Variants in HERC4 observed in about 807,000 individuals in gnomAD.
The protein encoded by HERC4 is probable E3 ubiquitin-protein ligase HERC4.
In HERC4, 28 loss-of-function variants were observed where a neutral mutation model predicts 124.3. That is an observed-to-expected ratio of 0.23 (90% CI 0.17 to 0.31). HERC4 has a LOEUF of 0.31. Ranked by LOEUF, HERC4 falls within the 10% of genes least tolerant of loss-of-function variation. HERC4 has a pLI of 1.00. For synonymous variants in HERC4, 407 were observed against 421.5 expected (o/e 0.97, Z 0.42); for missense variants, 713 against 1,229.3 (o/e 0.58, Z 6.28).
intron 3 of HERC4, 120 bp downstream of exon 3, chr10:68,072,763 T>A: frequency 1.5e-6 from 1 of 646,184 alleles, no homozygotes; most frequent in Non-Finnish European, 2.5e-6. Flanking sequence ...ATACATAACT[T>A]CTACTTTGCT....
Position 68,059,632 on chromosome 10 carries a change from TA to T in HERC4, c.226+13250del, listed in dbSNP as rs1326740970. Among the ~76,000 whole-genome samples the T allele has an allele frequency of 1.2e-4, 10 of 86,346 alleles. 3 individuals are homozygous for T. Among genetic ancestry groups the T allele is most frequent in the African/African-American group, 5.9e-4 (9 of 15,302 alleles). 56.6% of individuals were successfully genotyped at this position (86,346 alleles called of 152,430 possible). ...TTATATATCATAATATTATATATCA[TA>T]ATATTATATATTATATTATATATCA... On this transcript the variant is annotated intron_variant, in intron 3 of 24. Transcript: ENST00000373700.
At chr10:68,008,794 G>A (rs935146056) in intron 9 of HERC4, among the ~76,000 whole-genome samples, 1 of 152,266 alleles carries the variant, frequency 6.6e-6, no homozygotes, top group South Asian at 2.1e-4. Context: ...ACTGATATAT[G>A]AATAGATAAA....
At chr10:68,057,263 T>C (rs1408931648) in intron 3 of HERC4, among the ~76,000 whole-genome samples, 3 of 151,888 alleles carry the variant, frequency 2.0e-5, no homozygotes, top group Non-Finnish European at 4.4e-5. Flanking sequence ...AAAATAAGAG[T>C]ACAGAAGTAT....
At chr10:68,008,128 C>T (rs1404740259) in intron 9 of HERC4, 1 of 152,264 alleles carries the variant, frequency 6.6e-6, no homozygotes, top group African/African-American at 2.4e-5. Flanking sequence ...CTCCCTTACT[C>T]TCCCCCAAAC....
intron 14 of HERC4, among the ~76,000 whole-genome samples, chr10:67,989,167 A>C (rs899755675): frequency 1.3e-5 from 2 of 152,114 alleles, no homozygotes; most frequent in Non-Finnish European, 2.9e-5. Context: ...TGAAAATTAC[A>C]GTTTCAATTT....
chr10:67,945,817 A>C (rs35496892), intron 19 of HERC4, among the ~76,000 whole-genome samples: 80,884 of 151,098 alleles, frequency 0.54, 23,228 homozygotes, highest in Non-Finnish European at 0.66. Flanking sequence ...CAAATCAAAA[A>C]ACATACGACA....
At position 67,954,781 on chromosome 10, in the gene HERC4, T is replaced by C. The variant is rs201188256; in HGVS notation, c.2194-43A>G. The C allele has an allele frequency of 4.5e-4, 706 of 1,580,318 alleles. 6 individuals are homozygous for C. In the East Asian group the frequency reaches 0.012, roughly 28 times the overall value. On this transcript the variant is annotated intron_variant, in intron 18 of 24. Transcript: ENST00000373700. ...AAACACCAAATAGACTGTAAAGAAA[T>C]GAAAGTACATTCTGGAGACCCTAGA... is the stretch of plus-strand genomic sequence containing the variant.
At position 67,991,009 on chromosome 10, in the gene HERC4, A is replaced by G. The variant is rs1388279599; in HGVS notation, c.1338T>C (p.Asp446=). Residue 446 remains aspartate, a synonymous_variant, in exon 13 of 25, where the codon GAT becomes GAC. Coordinates refer to ENST00000373700, the MANE Select transcript of HERC4 (RefSeq NM_015601.4). ...ATCTGGTACCTGTTCTATAGTGATC[A>G]TCATTGCTAAAAAACAGAAAAGAAA... ...LNGSFLAVSN[D]DHYRTGTRFS... The G allele has an allele frequency of 6.8e-7, 1 of 1,480,424 alleles. No homozygotes were observed. The highest frequency in any genetic ancestry group is 1.5e-5 in the South Asian group (1 of 66,702). The allele number at this position is 1,480,424 out of a possible 1,614,324, so 91.7% of individuals were successfully genotyped here. A position where few individuals can be genotyped will look rare whatever the true frequency, so the allele number is the denominator to read the frequency against.
intron 3 of HERC4, among the ~76,000 whole-genome samples, chr10:68,047,430 A>C (rs2040069628): frequency 6.6e-6 from 1 of 152,226 alleles, no homozygotes; most frequent in African/African-American, 2.4e-5. Context: ...GAGAGTAAGA[A>C]GACAAGCCAT....
At chr10:67,927,956 G>T (rs541587514) in intron 23 of HERC4, among the ~76,000 whole-genome samples, 1 of 152,230 alleles carries the variant, frequency 6.6e-6, no homozygotes, top group African/African-American at 2.4e-5. Context: ...AACAGCGAGG[G>T]GAGACAGGAT....
At chr10:68,061,276 A>C (rs2133768337) in intron 3 of HERC4, among the ~76,000 whole-genome samples, 1 of 152,154 alleles carries the variant, frequency 6.6e-6, no homozygotes, top group East Asian at 1.9e-4. Context: ...GTAATTAAGA[A>C]TAGGTTTGAC....
At chr10:68,052,613 T>A (rs2040370079) in intron 3 of HERC4, among the ~76,000 whole-genome samples, 1 of 152,206 alleles carries the variant, frequency 6.6e-6, no homozygotes, top group Admixed American at 6.6e-5. Flanking sequence ...AACAAAGTAC[T>A]TCCTGTTGAA....
At chr10:68,070,029 G>A in intron 3 of HERC4, 3 of 912,198 alleles carry the variant, frequency 3.3e-6, no homozygotes, top group Non-Finnish European at 3.9e-6. Context: ...GCAACAGAGT[G>A]AGACTCTGTC....
chr10:67,922,766 C>T lies in HERC4; in HGVS notation c.*165G>A. 2.0e-6 allele frequency: 1 copy of T among 507,544 alleles called. No individual in the cohort carries two copies. Among genetic ancestry groups the T allele is most frequent in the Non-Finnish European group, 3.5e-6 (1 of 284,122 alleles). The allele number at this position is 507,544 out of a possible 1,614,324, so 31.4% of individuals were successfully genotyped here. On this transcript the variant is annotated 3_prime_UTR_variant, in exon 25 of 25. Transcript: ENST00000373700. The stretch of plus-strand genomic sequence containing the variant: ...TGTACAATAATATTAACAGTTTGTT[C>T]ATTTTCCTTTAATATTTTTTGGCTT...
At position 67,983,786 on chromosome 10, in the gene HERC4, CA is replaced by C. The variant is rs61012367; in HGVS notation, c.1806+4876del. 1.2e-3 allele frequency among the ~76,000 whole-genome samples: 120 copies of C among 100,148 alleles called. 1 individual carries two copies. Among genetic ancestry groups the C allele is most frequent in the South Asian group, 9.3e-3 (26 of 2,798 alleles). 65.7% of individuals were successfully genotyped at this position (100,148 alleles called of 152,430 possible). A position where few individuals can be genotyped will look rare whatever the true frequency, so the allele number is the denominator to read the frequency against. ...TGGGCAACAGAGGAAGACTCTGTCT[CA>C]AAAAAAAAAAAAAAAAAATACAAAA... On this transcript the variant is annotated intron_variant, in intron 15 of 24. Coordinates refer to ENST00000373700, the MANE Select transcript of HERC4 (RefSeq NM_015601.4).
At position 67,983,081 on chromosome 10, in the gene HERC4, A is replaced by C. The variant is rs370993809; in HGVS notation, c.1806+5582T>G. On this transcript the variant is annotated intron_variant, in intron 15 of 24. Transcript: ENST00000373700. Reference sequence around the variant, plus strand: ...AAGCGGAGGTTGCACTGAGCAAAAAAAAAAAAAAACAAAACAAAAACAAAC... The same window carrying C: ...AAGCGGAGGTTGCACTGAGCAAAAACAAAAAAAAACAAAACAAAAACAAAC... Among the ~76,000 whole-genome samples the C allele has an allele frequency of 2.0e-3, 307 of 151,822 alleles. 1 individual carries two copies. Among genetic ancestry groups the C allele is most frequent in the African/African-American group, 6.7e-3 (278 of 41,402 alleles).
At position 67,979,143 on chromosome 10, in the gene HERC4, A is replaced by G. The variant is rs541261898; in HGVS notation, c.1806+9520T>C. 3.9e-5 allele frequency among the ~76,000 whole-genome samples: 6 copies of G among 152,308 alleles called. No individual in the cohort carries two copies. In the South Asian group the frequency reaches 1.2e-3, roughly 32 times the overall value. ...ATGACCTCACCAAATGAACAAAATA[A>G]GGCACCAAAGACAAATCTTGGAGAA... On this transcript the variant is annotated intron_variant, in intron 15 of 24. Coordinates refer to ENST00000373700, the MANE Select transcript of HERC4 (RefSeq NM_015601.4).
At chr10:67,984,829 C>T (rs748740321) in intron 15 of HERC4, among the ~76,000 whole-genome samples, 2 of 152,092 alleles carry the variant, frequency 1.3e-5, no homozygotes, top group Non-Finnish European at 2.9e-5. Context: ...AGTGATCCAC[C>T]GGCCTCAGCC....
intron 5 of HERC4, among the ~76,000 whole-genome samples, 165 bp from the exon 6 acceptor site, chr10:68,034,351 T>C (rs1471633490): frequency 6.6e-6 from 1 of 152,210 alleles, no homozygotes; most frequent in African/African-American, 2.4e-5. Flanking sequence ...TACTTATTTC[T>C]TATATGAACA....
Sources: allele counts gnomAD v4.1 joint callset (sites outside exome capture counted in the v4.1 genomes callset), GRCh38; gene constraint gnomAD v4.1.1; transcripts MANE v1.5; gene names NCBI Gene and HGNC (gene_info 2026-07-23, HGNC 2026-07-21).